The following ROBO2 variants were observed in gnomAD, a reference collection of about 807,000 sequenced individuals.
ROBO2 encodes roundabout guidance receptor 2.
Under a neutral mutation model 160.8 loss-of-function variants are expected in ROBO2, and 53 were observed. That is an observed-to-expected ratio of 0.33 (90% CI 0.26 to 0.41). ROBO2 has a LOEUF of 0.41. Ranked by LOEUF, ROBO2 falls within the 10% of genes least tolerant of loss-of-function variation. The pLI is 1.00. For missense variants in ROBO2, 1,577 were observed against 1,722.4 expected (o/e 0.92, Z 1.49); for synonymous variants, 664 against 611.7 (o/e 1.09, Z -1.26).
chr3:76,946,533 G>A (rs2078554894), intron 2 of ROBO2, among the ~76,000 whole-genome samples: 1 of 152,094 alleles, frequency 6.6e-6, no homozygotes, highest in Non-Finnish European at 1.5e-5. Context: ...TGCCTCCCAG[G>A]TTCAAGTGAT....
chr3:77,625,588 A>C (rs2094999034), intron 23 of ROBO2, among the ~76,000 whole-genome samples: 1 of 152,108 alleles, frequency 6.6e-6, no homozygotes, highest in African/African-American at 2.4e-5. Context: ...ATGTTGACCA[A>C]GAGGGTCTTG....
intron 2 of ROBO2, among the ~76,000 whole-genome samples, chr3:77,012,327 C>T (rs1464728576): frequency 6.6e-6 from 1 of 152,252 alleles, no homozygotes; most frequent in East Asian, 1.9e-4. Context: ...TTGGATCTTA[C>T]CTCTTTTGTT....
At chr3:76,135,871 G>A (rs138480249) in intron 2 of ROBO2, among the ~76,000 whole-genome samples, 16 of 152,052 alleles carry the variant, frequency 1.1e-4, no homozygotes, top group African/African-American at 2.2e-4. Flanking sequence ...TGAATTTTGC[G>A]TGTGCTGAAG....
chr3:77,574,506 G>C, exon 14 of ROBO2: 1 of 1,612,964 alleles, frequency 6.2e-7, no homozygotes, highest in African/African-American at 1.3e-5. Flanking sequence ...CAGGTTGATC[G>C]CCAACCCCAG....
At chr3:77,292,124 CCCCAGACA>C (rs2061364916) in intron 2 of ROBO2, among the ~76,000 whole-genome samples, 3 of 150,708 alleles carry the variant, frequency 2.0e-5, no homozygotes, top group African/African-American at 7.3e-5. Context: ...GGCTAGATCA[CCCCAGACA>C]TAAAGTAAAA....
intron 2 of ROBO2, among the ~76,000 whole-genome samples, chr3:76,505,327 T>G (rs2080737372): frequency 1.3e-5 from 2 of 151,862 alleles, no homozygotes; most frequent in Admixed American, 1.3e-4. Flanking sequence ...TCTGGCTTCC[T>G]TGGCCACACT....
intron 2 of ROBO2, among the ~76,000 whole-genome samples, chr3:76,142,923 A>G (rs898753781): frequency 6.6e-6 from 1 of 151,900 alleles, no homozygotes; most frequent in African/African-American, 2.4e-5. Context: ...TCATAAACAC[A>G]CACACTTACT....
intron 2 of ROBO2, among the ~76,000 whole-genome samples, chr3:76,342,083 A>G (rs2074261760): frequency 3.9e-5 from 6 of 152,112 alleles, no homozygotes; most frequent in Admixed American, 3.9e-4. Flanking sequence ...CCTGGTAGAC[A>G]ATCTAATTAG....
At chr3:75,924,020 A>G (rs1947179395) in intron 1 of ROBO2, among the ~76,000 whole-genome samples, 1 of 152,244 alleles carries the variant, frequency 6.6e-6, no homozygotes. Flanking sequence ...ATAGACTAGG[A>G]CCAAAGCTTT....
chr3:77,190,461 T>A (rs2081731829), intron 2 of ROBO2, among the ~76,000 whole-genome samples: 2 of 152,112 alleles, frequency 1.3e-5, no homozygotes, highest in South Asian at 4.1e-4. Flanking sequence ...GAATGCCTCC[T>A]TTTAGCGTCC....
chr3:77,327,880 G>A (rs1469650448), intron 2 of ROBO2, among the ~76,000 whole-genome samples: 1 of 151,538 alleles, frequency 6.6e-6, no homozygotes, highest in Non-Finnish European at 1.5e-5. Context: ...GCGAAACCCC[G>A]TCTCTACTAA....
At chr3:76,359,501 C>T (rs2075378515) in intron 2 of ROBO2, among the ~76,000 whole-genome samples, 1 of 151,890 alleles carries the variant, frequency 6.6e-6, no homozygotes, top group Non-Finnish European at 1.5e-5. Context: ...CATTAAAAAC[C>T]TAAGTGCACT....
At chr3:76,378,748 T>C (rs951621106) in intron 2 of ROBO2, among the ~76,000 whole-genome samples, 9 of 152,178 alleles carry the variant, frequency 5.9e-5, no homozygotes, top group African/African-American at 2.2e-4. Context: ...AAGGAATAAG[T>C]AGTACTTTGC....
At chr3:76,068,281 GT>G (rs1426921607) in intron 2 of ROBO2, among the ~76,000 whole-genome samples, 18 of 152,196 alleles carry the variant, frequency 1.2e-4, no homozygotes, top group Non-Finnish European at 2.4e-4. Flanking sequence ...GAAGGAGACA[GT>G]GGGGTAATGG....
At chr3:77,164,568 C>T (rs1491002608) in intron 2 of ROBO2, among the ~76,000 whole-genome samples, 111 of 141,768 alleles carry the variant, frequency 7.8e-4, no homozygotes, top group African/African-American at 2.7e-3. Context: ...CCAGCCGCCC[C>T]GTCCGGGAGG....
chr3:76,568,390 CG>C (rs2084736828), intron 2 of ROBO2, among the ~76,000 whole-genome samples: 1 of 151,902 alleles, frequency 6.6e-6, no homozygotes, highest in Non-Finnish European at 1.5e-5. Flanking sequence ...CTCCGCCTCC[CG>C]GGTTCACACC....
At chr3:76,319,251 T>C (rs1004068416) in intron 2 of ROBO2, among the ~76,000 whole-genome samples, 9 of 152,142 alleles carry the variant, frequency 5.9e-5, no homozygotes, top group Non-Finnish European at 1.0e-4. Flanking sequence ...TCCAAAGTCT[T>C]TTATTGATGT....
At position 77,371,320 on chromosome 3, in the gene ROBO2, G is replaced by A. The variant is rs116118913; in HGVS notation, c.389-106094G>A. On this transcript the variant is annotated intron_variant, in intron 2 of 25. Coordinates refer to ENST00000461745, the Ensembl canonical transcript of ROBO2. Reference sequence around the variant, plus strand: ...CTCTACAAGTAGTGCTCTTTATAGGGTAAATTTAAAATCTCTACATTCAAA... The same window carrying A: ...CTCTACAAGTAGTGCTCTTTATAGGATAAATTTAAAATCTCTACATTCAAA... Among the ~76,000 whole-genome samples, 1,029 of 152,160 alleles carry A rather than the reference G, an allele frequency of 6.8e-3. 14 individuals carry two copies. Among genetic ancestry groups the A allele is most frequent in the African/African-American group, 0.024 (976 of 41,520 alleles).
rs368440380 is a variant in ROBO2, at chr3:76,526,435, A to G, written c.110-571579A>G. Among the ~76,000 whole-genome samples the G allele has an allele frequency of 2.8e-4, 42 of 152,176 alleles. 1 individual carries two copies. Among genetic ancestry groups the G allele is most frequent in the South Asian group, 2.7e-3 (13 of 4,824 alleles). Reference sequence around the variant, plus strand: ...GGGTCAACAATGTCATATAGATATTAGACAGGGTTTGTTTTTACATGTTTG... The same window carrying G: ...GGGTCAACAATGTCATATAGATATTGGACAGGGTTTGTTTTTACATGTTTG... On this transcript the variant is annotated intron_variant, in intron 2 of 26. Coordinates refer to the ROBO2 transcript ENST00000487694.
Sources: allele counts gnomAD v4.1 joint callset (sites outside exome capture counted in the v4.1 genomes callset), GRCh38; gene constraint gnomAD v4.1.1; transcripts MANE v1.5; gene names NCBI Gene and HGNC (gene_info 2026-07-23, HGNC 2026-07-21).